FHIP2A: variants seen among roughly 807,000 people sequenced by gnomAD.
The protein encoded by FHIP2A is FHF complex subunit HOOK interacting protein 2A, also known as family with sequence similarity 160 member B1.
Under a neutral mutation model 93.5 loss-of-function variants are expected in FHIP2A, and 46 were observed. The ratio of observed to expected loss-of-function variants is 0.49; its 90% CI spans 0.39 to 0.63. The LOEUF is 0.63. Among genes scored for constraint, FHIP2A ranks in the 20% least tolerant of loss-of-function variants. The pLI, the probability that FHIP2A is intolerant of heterozygous loss-of-function variation, is 0.00. For missense variants in FHIP2A, 769 were observed against 909.7 expected (o/e 0.85, Z 1.99); for synonymous variants, 332 against 326.5 (o/e 1.02, Z -0.18).
At chr10:114,835,862 T>C (rs1351269155) in intron 4 of FHIP2A, among the ~76,000 whole-genome samples, 1 of 152,192 alleles carries the variant, frequency 6.6e-6, no homozygotes, top group Non-Finnish European at 1.5e-5. Context: ...ACATGAATTT[T>C]CCTTGGATTT....
intron 16 of FHIP2A, among the ~76,000 whole-genome samples, chr10:114,876,224 C>T (rs1479016664): frequency 6.6e-6 from 1 of 152,176 alleles, no homozygotes. Context: ...CAACCCTTTC[C>T]TCAGGGAGAA....
At chr10:114,828,496 C>T (rs942743407) in intron 1 of FHIP2A, among the ~76,000 whole-genome samples, 2 of 152,184 alleles carry the variant, frequency 1.3e-5, no homozygotes, top group Non-Finnish European at 2.9e-5. Flanking sequence ...CAACAAATTT[C>T]ATTTGGGTTT....
chr10:114,836,514 A>G (rs1407570943), intron 5 of FHIP2A, among the ~76,000 whole-genome samples: 2 of 152,238 alleles, frequency 1.3e-5, no homozygotes, highest in African/African-American at 4.8e-5. Flanking sequence ...TTGAAGGTTG[A>G]ATCAGAGATA....
At position 114,846,661 on chromosome 10, in the gene FHIP2A, A is replaced by G; in HGVS notation, c.1501A>G (p.Thr501Ala). Residue 501 changes from threonine to alanine, a missense_variant, in exon 11 of 17, where the codon ACA becomes GCA. Thr to Ala is a moderately conservative substitution (Grantham distance 58). Coordinates refer to ENST00000369248, the MANE Select transcript of FHIP2A (RefSeq NM_020940.4). ...GAGAAATCTTGAAGAAAGAAATTAT[A>G]CAGAATATAAACCTTTGTGCCCAGA... is the stretch of plus-strand genomic sequence containing the variant. ...VLRNLEERNY[T>A]EYKPLCPEDK... The G allele has an allele frequency of 6.2e-7, 1 of 1,612,436 alleles. No homozygotes were observed. Among genetic ancestry groups the G allele is most frequent in the Non-Finnish European group, 8.5e-7 (1 of 1,179,458 alleles).
chr10:114,871,384 T>C lies in FHIP2A; in HGVS notation c.2192+10050T>C, dbSNP rs200613703. ...TGGTCTCAATGCAGCAACAGTAGCA[T>C]GGCAGGCCCCCTCTCAGAGACCAGA... On this transcript the variant is annotated intron_variant, in intron 16 of 16. Coordinates refer to the FHIP2A transcript ENST00000369250. Among the ~76,000 whole-genome samples the C allele has an allele frequency of 1.8e-4, 27 of 152,236 alleles. No homozygotes were observed. In the East Asian group the frequency reaches 2.9e-3, roughly 16 times the overall value.
At position 114,863,538 on chromosome 10, in the gene FHIP2A, T is replaced by C. The variant is rs529280975; in HGVS notation, c.*1998T>C. ...TATATGTATGCTGCTTCTGAAAATA[T>C]AATTTTTCTAAGTTGTTGTAATGAC... On this transcript the variant is annotated 3_prime_UTR_variant, in exon 17 of 17. Coordinates refer to ENST00000369248, the MANE Select transcript of FHIP2A (RefSeq NM_020940.4). 1.7e-6 allele frequency: 2 copies of C among 1,174,050 alleles called. No individual in the cohort carries two copies. Among genetic ancestry groups the C allele is most frequent in the South Asian group, 3.4e-5 (2 of 59,218 alleles). The allele number at this position is 1,174,050 out of a possible 1,614,324, so 72.7% of individuals were successfully genotyped here. A position where few individuals can be genotyped will look rare whatever the true frequency, so the allele number is the denominator to read the frequency against.
intron 16 of FHIP2A, among the ~76,000 whole-genome samples, chr10:114,878,106 A>G (rs1264834455): frequency 6.6e-6 from 1 of 152,172 alleles, no homozygotes; most frequent in Non-Finnish European, 1.5e-5. Flanking sequence ...TCTTTCCAGT[A>G]CTTCATGCAT....
At position 114,846,649 on chromosome 10, in the gene FHIP2A, G is replaced by A. The variant is rs2083703026; in HGVS notation, c.1489G>A (p.Glu497Lys). Residue 497 changes from glutamate (E) to lysine (K), a missense_variant, in exon 11 of 17, where the codon GAA (glutamate) becomes AAA (lysine). Glu to Lys is a moderately conservative substitution (Grantham distance 56). Coordinates refer to ENST00000369248, the MANE Select transcript of FHIP2A (RefSeq NM_020940.4). ...CAACTTGGTCTTGAGAAATCTTGAA[G>A]AAAGAAATTATACAGAATATAAACC... ...LYNLVLRNLE[E>K]RNYTEYKPLC... is the part of the protein sequence containing the mutation. 6.2e-7 allele frequency: 1 copy of A among 1,611,972 alleles called. No homozygotes were observed. The highest frequency in any genetic ancestry group is 8.5e-7 in the Non-Finnish European group (1 of 1,179,412).
In FHIP2A at chr10:114,860,690, A is replaced by G. The variant is rs913831042; in HGVS notation, c.1948-59A>G. Reference sequence around the variant, plus strand: ...TTAAAAGAACAAATTGAAATAGTAAATTAAGCACACCGGTATACATTATTT... The same window carrying G: ...TTAAAAGAACAAATTGAAATAGTAAGTTAAGCACACCGGTATACATTATTT... On this transcript the variant is annotated intron_variant, in intron 14 of 16. Coordinates refer to ENST00000369248, the MANE Select transcript of FHIP2A (RefSeq NM_020940.4). 50 of 1,355,736 alleles carry G rather than the reference A, an allele frequency of 3.7e-5. 1 individual carries two copies. The highest frequency in any genetic ancestry group is 7.0e-5 in the South Asian group (6 of 85,122). The allele number at this position is 1,355,736 out of a possible 1,614,324, so 84.0% of individuals were successfully genotyped here.
chr10:114,861,812 T>C lies in FHIP2A; in HGVS notation c.*272T>C. ...TCAAAGGAACTTCAGGAAATAAGCA[T>C]TTCTAATGACTGTGAAAAGCTGCAA... On this transcript the variant is annotated 3_prime_UTR_variant, in exon 17 of 17. Transcript: ENST00000369248. 1 of 1,088,694 alleles carries C rather than the reference T, an allele frequency of 9.2e-7. No individual in the cohort carries two copies. The highest frequency in any genetic ancestry group is 1.1e-6 in the Non-Finnish European group (1 of 895,424). The allele number at this position is 1,088,694 out of a possible 1,614,324, so 67.4% of individuals were successfully genotyped here.
chr10:114,895,374 T>C (rs2083996068), intron 16 of FHIP2A, among the ~76,000 whole-genome samples: 1 of 152,236 alleles, frequency 6.6e-6, no homozygotes, highest in African/African-American at 2.4e-5. Flanking sequence ...GCTCTACATT[T>C]TCTGCTGATT....
rs1347201655 is a variant in FHIP2A at position 114,863,203 on chromosome 10, ATTTTC to A, written c.*1667_*1671del. ...GTGGGAGATAGTTATTTTGTGCGTA[ATTTTC>A]TTTAAATCATTTTGAATGATGTGAA... On this transcript the variant is annotated 3_prime_UTR_variant, in exon 17 of 17. Transcript: ENST00000369248. The A allele has an allele frequency of 3.1e-6, 3 of 981,686 alleles. No individual in the cohort carries two copies. The highest frequency in any genetic ancestry group is 3.6e-6 in the Non-Finnish European group (3 of 826,648). 60.8% of individuals were successfully genotyped at this position (981,686 alleles called of 1,614,324 possible). A position where few individuals can be genotyped will look rare whatever the true frequency, so the allele number is the denominator to read the frequency against.
chr10:114,843,226 T>G lies in FHIP2A; in HGVS notation c.816T>G (p.Pro272=), dbSNP rs2083679902. 4 of 1,606,620 alleles carry G rather than the reference T, an allele frequency of 2.5e-6. No homozygotes were observed. The South Asian group carries it at 4.4e-5, about 18-fold the overall frequency. The change falls in exon 6 of 17, where the codon CCT becomes CCG. Residue 272 remains proline, a splice_region_variant and synonymous_variant. Coordinates refer to ENST00000369248, the MANE Select transcript of FHIP2A (RefSeq NM_020940.4). ...CTTTGTTAAATCTTACTAGAAGTCC[T>G]GTGAGTTATGGTCCTTACTTTTTCC... The part of the protein sequence containing the change: ...VNSLLNLTRS[P]DGRIAVKACE...
chr10:114,863,355 T>C lies in FHIP2A; in HGVS notation c.*1815T>C. ...GTATTTAAACTAAGGCATTAAGAGATATTAGATATTTCTTAATGTTTTCAT... is the reference window on the plus strand; with the variant it reads ...GTATTTAAACTAAGGCATTAAGAGACATTAGATATTTCTTAATGTTTTCAT... On this transcript the variant is annotated 3_prime_UTR_variant, in exon 17 of 17. Transcript: ENST00000369248. 2 of 990,302 alleles carry C rather than the reference T, an allele frequency of 2.0e-6. No individual in the cohort carries two copies. Among genetic ancestry groups the C allele is most frequent in the Non-Finnish European group, 2.4e-6 (2 of 831,182 alleles). 61.3% of individuals were successfully genotyped at this position (990,302 alleles called of 1,614,324 possible). A position where few individuals can be genotyped will look rare whatever the true frequency, so the allele number is the denominator to read the frequency against.
At chr10:114,826,493 A>G (rs1475223921) in intron 1 of FHIP2A, among the ~76,000 whole-genome samples, 1 of 152,256 alleles carries the variant, frequency 6.6e-6, no homozygotes, top group Non-Finnish European at 1.5e-5. Flanking sequence ...AGTGCCTGGC[A>G]CATAAAAAGT....
At chr10:114,881,188 C>T (rs1410102263) in intron 16 of FHIP2A, among the ~76,000 whole-genome samples, 1 of 152,170 alleles carries the variant, frequency 6.6e-6, no homozygotes, top group African/African-American at 2.4e-5. Flanking sequence ...TCGCAGTGAG[C>T]GGAAATATTT....
intron 5 of FHIP2A, among the ~76,000 whole-genome samples, chr10:114,837,011 C>T (rs960355850): frequency 1.3e-5 from 2 of 152,126 alleles, no homozygotes; most frequent in African/African-American, 2.4e-5. Flanking sequence ...AAGTGATCCT[C>T]TTACCTTAGC....
intron 10 of FHIP2A, 82 bp from the exon 11 acceptor site, chr10:114,846,477 G>T (rs1424287127): frequency 6.9e-7 from 1 of 1,440,636 alleles, no homozygotes; most frequent in African/African-American, 1.4e-5. Context: ...TTTAGAAATT[G>T]AAAGCATGAC....
intron 16 of FHIP2A, among the ~76,000 whole-genome samples, chr10:114,896,601 G>A (rs1023882268): frequency 8.5e-5 from 13 of 152,180 alleles, no homozygotes; most frequent in African/African-American, 9.7e-5. Flanking sequence ...GAATGCAACC[G>A]TTTGTGTTTC....
Sources: gnomAD v4.1 joint callset for allele counts (sites outside exome capture counted in the v4.1 genomes callset) on GRCh38, gnomAD v4.1.1 for gene constraint, MANE v1.5 for transcripts, NCBI Gene and HGNC (gene_info 2026-07-23, HGNC 2026-07-21) for gene names.